The following KCNMA1 variants were observed in gnomAD, a reference collection of about 807,000 sequenced individuals.
The protein encoded by KCNMA1 is Calcium-activated potassium channel subunit alpha-1.
KCNMA1 carries 29 observed loss-of-function variants against 140.0 expected under a neutral mutation model. The ratio of observed to expected loss-of-function variants is 0.21; its 90% CI spans 0.15 to 0.28. The LOEUF is 0.28. Among genes scored for constraint, KCNMA1 ranks in the 10% least tolerant of loss-of-function variants. The pLI, the probability that KCNMA1 is intolerant of heterozygous loss-of-function variation, is 1.00. For synonymous variants in KCNMA1, 612 were observed against 611.9 expected, an observed-to-expected ratio of 1.00 and a Z score of 0.00; for missense variants, 880 against 1,602.2, an observed-to-expected ratio of 0.55 and a Z score of 7.70.
At chr10:77,250,298 C>T (rs1365997444) in intron 3 of KCNMA1, 2 of 152,214 alleles carry the variant, frequency 1.3e-5, no homozygotes, top group Non-Finnish European at 2.9e-5. Context: ...ATAAAGGCAA[C>T]AAGCTCAAGG....
intron 1 of KCNMA1, among the ~76,000 whole-genome samples, chr10:77,567,140 T>C (rs1444225571): frequency 2.0e-5 from 3 of 152,154 alleles, no homozygotes; most frequent in African/African-American, 7.2e-5. Context: ...TGCAGAGCGA[T>C]GTAACAGATT....
At chr10:77,603,089 G>A (rs1382941589) in intron 1 of KCNMA1, among the ~76,000 whole-genome samples, 1 of 152,174 alleles carries the variant, frequency 6.6e-6, no homozygotes, top group African/African-American at 2.4e-5. Flanking sequence ...CTGCAGGCAT[G>A]ACAGACTTCA....
intron 2 of KCNMA1, among the ~76,000 whole-genome samples, chr10:77,337,398 G>T (rs185465455): frequency 3.9e-5 from 6 of 152,188 alleles, no homozygotes; most frequent in Non-Finnish European, 1.5e-5. Context: ...AGGCAGGCGG[G>T]TCATTTGAGG....
At chr10:77,372,929 T>C (rs1320544974) in intron 2 of KCNMA1, 3 of 152,206 alleles carry the variant, frequency 2.0e-5, no homozygotes, top group Non-Finnish European at 4.4e-5. Context: ...CCAAGAAATA[T>C]TTAATTACCT....
intron 3 of KCNMA1, among the ~76,000 whole-genome samples, chr10:77,197,662 G>A (rs961479829): frequency 3.3e-5 from 5 of 152,148 alleles, no homozygotes; most frequent in African/African-American, 7.2e-5. Flanking sequence ...CAGGGCCATC[G>A]GGGAAAGCAC....
At chr10:77,270,396 C>T (rs762887647) in intron 2 of KCNMA1, among the ~76,000 whole-genome samples, 4 of 152,146 alleles carry the variant, frequency 2.6e-5, no homozygotes, top group Non-Finnish European at 4.4e-5. Flanking sequence ...CCCAGAAGTC[C>T]GGGAGAACTG....
chr10:77,524,662 T>C (rs1441314270), intron 1 of KCNMA1, among the ~76,000 whole-genome samples: 1 of 152,172 alleles, frequency 6.6e-6, no homozygotes, highest in Non-Finnish European at 1.5e-5. Flanking sequence ...CCAGGCACAC[T>C]GATGCAGCTT....
intron 1 of KCNMA1, among the ~76,000 whole-genome samples, chr10:77,509,994 C>T (rs2047767461): frequency 6.6e-6 from 1 of 152,070 alleles, no homozygotes; most frequent in South Asian, 2.1e-4. Flanking sequence ...CACAATCCCA[C>T]TGCTGCTGCT....
intron 18 of KCNMA1, among the ~76,000 whole-genome samples, chr10:77,004,904 C>T (rs2087873373): frequency 6.6e-6 from 1 of 151,952 alleles, no homozygotes; most frequent in Non-Finnish European, 1.5e-5. Flanking sequence ...CTTTAAATTC[C>T]CAAGGTTAGG....
At chr10:76,954,294 T>C (rs866724645) in intron 20 of KCNMA1, among the ~76,000 whole-genome samples, 3 of 64,562 alleles carry the variant, frequency 4.6e-5, no homozygotes, top group Admixed American at 1.4e-4. Context: ...CACACACACA[T>C]ACACACACAC....
chr10:77,042,993 C>T (rs965454921), intron 14 of KCNMA1, among the ~76,000 whole-genome samples: 1 of 152,190 alleles, frequency 6.6e-6, no homozygotes, highest in Non-Finnish European at 1.5e-5. Flanking sequence ...CTATGATATA[C>T]CTGACCACAT....
intron 3 of KCNMA1, among the ~76,000 whole-genome samples, chr10:77,245,153 G>A (rs1049597116): frequency 1.3e-5 from 2 of 152,062 alleles, no homozygotes; most frequent in East Asian, 1.9e-4. Flanking sequence ...AATGCATGCC[G>A]TGACTTCTCA....
rs1313338186 is a variant in KCNMA1, at chr10:76,949,119, C to T, written c.2709+23G>A. The T allele has an allele frequency of 2.6e-6, 4 of 1,529,058 alleles. No homozygotes were observed. The South Asian group carries it at 3.4e-5, about 13-fold the overall frequency. The allele number at this position is 1,529,058 out of a possible 1,614,324, so 94.7% of individuals were successfully genotyped here. On this transcript the variant is annotated intron_variant, in intron 22 of 27. Coordinates refer to ENST00000286628, the MANE Select transcript of KCNMA1 (RefSeq NM_001161352.2). The stretch of plus-strand genomic sequence containing the variant: ...TGTGAATGAAAAGAAGAAAAGGCAT[C>T]AATAATGTGACCTTGGACTTACAGG...
At chr10:77,180,720 T>G (rs2098796423) in intron 5 of KCNMA1, among the ~76,000 whole-genome samples, 1 of 152,148 alleles carries the variant, frequency 6.6e-6, no homozygotes, top group African/African-American at 2.4e-5. Context: ...ACCTGACATA[T>G]AGTAGATGCT....
At chr10:77,412,742 C>G (rs565358784) in intron 1 of KCNMA1, among the ~76,000 whole-genome samples, 1 of 152,200 alleles carries the variant, frequency 6.6e-6, no homozygotes. Context: ...AGCAATTTCA[C>G]CTATTATGGT....
chr10:77,417,488 G>T (rs557878589), intron 1 of KCNMA1, among the ~76,000 whole-genome samples: 1 of 152,294 alleles, frequency 6.6e-6, no homozygotes, highest in Admixed American at 6.5e-5. Context: ...TAAACTGGGG[G>T]TTGGCTCCTA....
chr10:77,232,886 A>AT (rs33988327), intron 3 of KCNMA1, among the ~76,000 whole-genome samples: 13,903 of 132,640 alleles, frequency 0.1, 1,641 homozygotes, highest in African/African-American at 0.27. Flanking sequence ...TCCCAGCACC[A>AT]TTTTTTTTTT....
intron 23 of KCNMA1, among the ~76,000 whole-genome samples, chr10:76,927,926 TTC>T (rs1438838338): frequency 6.6e-6 from 1 of 152,182 alleles, no homozygotes; most frequent in Non-Finnish European, 1.5e-5. Flanking sequence ...TGCAGTAATA[TTC>T]TCCCTGTCAT....
intron 2 of KCNMA1, among the ~76,000 whole-genome samples, chr10:77,270,917 CATATA>C (rs2064943848): frequency 6.6e-6 from 1 of 152,084 alleles, no homozygotes; most frequent in African/African-American, 2.4e-5. Context: ...AAAAAAGAAA[CATATA>C]ATATTAGTGT....
Sources: gnomAD v4.1 joint callset for allele counts (sites outside exome capture counted in the v4.1 genomes callset) on GRCh38, gnomAD v4.1.1 for gene constraint, MANE v1.5 for transcripts, NCBI Gene and HGNC (gene_info 2026-07-23, HGNC 2026-07-21) for gene names.